Variants in SGCZ observed in about 807,000 individuals in gnomAD.
The protein encoded by SGCZ is zeta-sarcoglycan.
A neutral mutation model predicts 41.3 loss-of-function variants in SGCZ; 40 were observed. The ratio of observed to expected loss-of-function variants is 0.97; its 90% CI spans 0.75 to 1.26. The LOEUF is 1.26. SGCZ is among the 50% of genes most tolerant of loss of function. SGCZ has a pLI of 0.00. For missense variants in SGCZ, 552 were observed against 369.8 expected, an observed-to-expected ratio of 1.49 and a Z score of -4.04; for synonymous variants, 206 against 137.5, an observed-to-expected ratio of 1.50 and a Z score of -3.49.
intron 1 of SGCZ, among the ~76,000 whole-genome samples, chr8:14,742,092 CT>C (rs2130282658): frequency 6.6e-6 from 1 of 151,888 alleles, no homozygotes; most frequent in South Asian, 2.1e-4. Context: ...GAAAAAAAAC[CT>C]AGATTTCACC....
At chr8:15,048,900 G>A (rs559917379) in intron 1 of SGCZ, among the ~76,000 whole-genome samples, 7 of 151,980 alleles carry the variant, frequency 4.6e-5, no homozygotes, top group Non-Finnish European at 8.8e-5. Context: ...CAAACAAAAA[G>A]TTGCTCTCCT....
intron 1 of SGCZ, among the ~76,000 whole-genome samples, chr8:14,629,351 T>C (rs1199100146): frequency 1.5e-5 from 1 of 65,162 alleles, no homozygotes; most frequent in Non-Finnish European, 3.5e-5. Context: ...GTAAGATTAA[T>C]GTAAAATACA....
chr8:14,280,324 T>C (rs551511216), intron 3 of SGCZ, among the ~76,000 whole-genome samples: 2 of 151,952 alleles, frequency 1.3e-5, no homozygotes, highest in East Asian at 1.9e-4. Context: ...ATTTAGTTAA[T>C]GTCATATATA....
At chr8:14,593,773 G>T (rs767249233) in intron 1 of SGCZ, among the ~76,000 whole-genome samples, 2 of 152,144 alleles carry the variant, frequency 1.3e-5, no homozygotes, top group Non-Finnish European at 2.9e-5. Context: ...TCCCTAGACT[G>T]CTTCCCTAAG....
At chr8:14,144,183 G>C (rs141360229) in intron 5 of SGCZ, among the ~76,000 whole-genome samples, 67 of 152,214 alleles carry the variant, frequency 4.4e-4, no homozygotes, top group African/African-American at 1.6e-3. Flanking sequence ...GGCATCATCC[G>C]TCCCATAACC....
intron 1 of SGCZ, among the ~76,000 whole-genome samples, chr8:14,672,342 T>G (rs10097849): frequency 0.54 from 82,827 of 152,026 alleles, 24,099 homozygotes; most frequent in East Asian, 0.74. Flanking sequence ...CAGCTGTAAA[T>G]ATTTGCTGAT....
At chr8:15,086,156 C>G (rs1038822812) in intron 1 of SGCZ, among the ~76,000 whole-genome samples, 1 of 152,080 alleles carries the variant, frequency 6.6e-6, no homozygotes, top group African/African-American at 2.4e-5. Context: ...TTTAAAAGGG[C>G]ACATTCTAAC....
At chr8:14,925,382 C>T (rs1438659756) in intron 1 of SGCZ, among the ~76,000 whole-genome samples, 4 of 151,914 alleles carry the variant, frequency 2.6e-5, no homozygotes, top group African/African-American at 7.3e-5. Flanking sequence ...ATGGGAATCC[C>T]GGAAAAAGGA....
chr8:14,365,222 A>G (rs1252256235), intron 2 of SGCZ, among the ~76,000 whole-genome samples: 1 of 151,992 alleles, frequency 6.6e-6, no homozygotes, highest in Non-Finnish European at 1.5e-5. Flanking sequence ...TTTATTATAC[A>G]TTTTAAAAAT....
chr8:15,163,037 T>C (rs993431361), intron 1 of SGCZ, among the ~76,000 whole-genome samples: 1 of 152,192 alleles, frequency 6.6e-6, no homozygotes, highest in Non-Finnish European at 1.5e-5. Context: ...CTCAGTTGTA[T>C]TTCTCAGGTA....
Position 15,172,165 on chromosome 8 carries a change from T to TTTATTTA in SGCZ, c.39+65419_39+65420insTAAATAA, listed in dbSNP as rs1339622384. ...GCCTTTTATACTCTGTTTTTTTTTT[T>TTTATTTA]TTTTTTTTTTTTTTGAGACGGAGTT... On this transcript the variant is annotated intron_variant, in intron 1 of 7. Transcript: ENST00000382080. Among the ~76,000 whole-genome samples, 2 of 58,802 alleles carry TTTATTTA rather than the reference T, an allele frequency of 3.4e-5. 1 individual carries two copies. The allele number at this position is 58,802 out of a possible 152,430, so 38.6% of individuals were successfully genotyped here.
intron 1 of SGCZ, among the ~76,000 whole-genome samples, chr8:14,799,985 T>A (rs1801267210): frequency 6.6e-6 from 1 of 152,194 alleles, no homozygotes; most frequent in South Asian, 2.1e-4. Flanking sequence ...AAACAATTCA[T>A]AATGTTTAAC....
At chr8:14,229,896 A>G (rs1806501076) in intron 4 of SGCZ, among the ~76,000 whole-genome samples, 1 of 152,150 alleles carries the variant, frequency 6.6e-6, no homozygotes, top group Non-Finnish European at 1.5e-5. Flanking sequence ...GCTTAGCACT[A>G]ACAAAAATAA....
chr8:15,141,211 T>C (rs1477793095), intron 1 of SGCZ, among the ~76,000 whole-genome samples: 1 of 152,248 alleles, frequency 6.6e-6, no homozygotes, highest in Non-Finnish European at 1.5e-5. Context: ...GTAACTTGTC[T>C]TTCCCACACA....
chr8:14,406,841 G>T (rs142286669), intron 2 of SGCZ, among the ~76,000 whole-genome samples: 11 of 152,214 alleles, frequency 7.2e-5, no homozygotes, highest in African/African-American at 2.6e-4. Context: ...ATTCTGAGAT[G>T]CAGTTCTGTG....
At chr8:14,553,206 G>C (rs913524347) in intron 2 of SGCZ, among the ~76,000 whole-genome samples, 1 of 151,986 alleles carries the variant, frequency 6.6e-6, no homozygotes, top group African/African-American at 2.4e-5. Context: ...ATGATGGCTA[G>C]AGTTGTTGAT....
At chr8:15,118,751 AC>A (rs1380946112) in intron 1 of SGCZ, among the ~76,000 whole-genome samples, 1 of 152,082 alleles carries the variant, frequency 6.6e-6, no homozygotes, top group African/African-American at 2.4e-5. Context: ...TAGAAAAGGC[AC>A]CCTAGGAACT....
At chr8:14,709,900 A>G (rs2117620837) in intron 1 of SGCZ, among the ~76,000 whole-genome samples, 2 of 152,272 alleles carry the variant, frequency 1.3e-5, no homozygotes, top group Middle Eastern at 6.8e-3. Flanking sequence ...TATTTTATAA[A>G]TGAACAAGTA....
At chr8:15,044,382 G>A (rs1275851126) in intron 1 of SGCZ, among the ~76,000 whole-genome samples, 1 of 152,124 alleles carries the variant, frequency 6.6e-6, no homozygotes, top group Non-Finnish European at 1.5e-5. Flanking sequence ...CAGTGAGAAA[G>A]CTGAAACTCT....
Sources: gnomAD v4.1 joint callset for allele counts (sites outside exome capture counted in the v4.1 genomes callset) on GRCh38, gnomAD v4.1.1 for gene constraint, MANE v1.5 for transcripts, NCBI Gene and HGNC (gene_info 2026-07-23, HGNC 2026-07-21) for gene names.